Variants in DPYD observed in about 807,000 individuals in gnomAD.
The protein encoded by DPYD is dihydropyrimidine dehydrogenase [NADP(+)].
A neutral mutation model predicts 116.2 loss-of-function variants in DPYD; 109 were observed. That is an observed-to-expected ratio of 0.94 (90% CI 0.80 to 1.10). The LOEUF (loss-of-function observed/expected upper bound fraction) is 1.10, where lower values mean the gene tolerates loss of function less well. Ranked by LOEUF, DPYD falls within the 50% of genes least tolerant of loss-of-function variation. The probability of loss-of-function intolerance (pLI) is 0.00; values close to 1 mark genes in which losing one functional copy is unlikely to be tolerated. For missense variants in DPYD, 1,302 were observed against 1,254.5 expected (o/e 1.04, Z -0.57); for synonymous variants, 440 against 432.0 (o/e 1.02, Z -0.23).
chr1:97,727,642 T>G (rs1278130662), intron 4 of DPYD, among the ~76,000 whole-genome samples: 1 of 151,750 alleles, frequency 6.6e-6, no homozygotes, highest in Non-Finnish European at 1.5e-5. Flanking sequence ...TGAACCAATA[T>G]TAAGCAATGA....
chr1:97,363,546 G>A (rs1179511977), intron 16 of DPYD, among the ~76,000 whole-genome samples: 1 of 152,056 alleles, frequency 6.6e-6, no homozygotes, highest in African/African-American at 2.4e-5. Context: ...AAACTTGGAA[G>A]CAGCCCAAAG....
chr1:97,079,928 A>AATT (rs1242749194), intron 22 of DPYD, among the ~76,000 whole-genome samples: 3 of 152,018 alleles, frequency 2.0e-5, no homozygotes, highest in Non-Finnish European at 2.9e-5. Flanking sequence ...AATGTAGAAT[A>AATT]AGCAATTAAG....
intron 2 of DPYD, among the ~76,000 whole-genome samples, chr1:97,867,701 T>C (rs1671455340): frequency 1.3e-5 from 2 of 151,760 alleles, no homozygotes; most frequent in Non-Finnish European, 2.9e-5. Flanking sequence ...CTGTAATCAT[T>C]AGGTGTAGAA....
chr1:97,389,789 A>G (rs1348282631), intron 14 of DPYD, among the ~76,000 whole-genome samples: 1 of 151,958 alleles, frequency 6.6e-6, no homozygotes, highest in Admixed American at 6.6e-5. Context: ...ATAATTTACT[A>G]ATCAAATTTT....
rs191957622 is a variant in DPYD at position 97,437,181 on chromosome 1, C to T, written c.1905+12878G>A. On this transcript the variant is annotated intron_variant, in intron 14 of 22. Coordinates refer to ENST00000370192, the MANE Select transcript of DPYD (RefSeq NM_000110.4). ...CCATGTGACTCTTTATAACTCCTCT[C>T]TCCCACTCATAACCCCTCTGTCCAT... 1.7e-3 allele frequency among the ~76,000 whole-genome samples: 257 copies of T among 151,890 alleles called. 3 individuals carry two copies. The highest frequency in any genetic ancestry group is 0.014 in the Admixed American group (212 of 15,240).
At chr1:97,386,376 C>T (rs1201557170) in intron 14 of DPYD, among the ~76,000 whole-genome samples, 1 of 151,858 alleles carries the variant, frequency 6.6e-6, no homozygotes, top group African/African-American at 2.4e-5. Flanking sequence ...CTTTCCAATC[C>T]CAAAGCTTAC....
At chr1:97,659,287 T>C (rs1028210031) in intron 8 of DPYD, among the ~76,000 whole-genome samples, 14 of 152,196 alleles carry the variant, frequency 9.2e-5, no homozygotes, top group Non-Finnish European at 1.9e-4. Context: ...GCTGGTAGAA[T>C]GAATATATAA....
intron 15 of DPYD, among the ~76,000 whole-genome samples, chr1:97,375,852 T>C (rs1475012785): frequency 2.0e-5 from 3 of 152,240 alleles, no homozygotes; most frequent in African/African-American, 4.8e-5. Context: ...TAGACTTCTC[T>C]ATTTAACTGA....
chr1:97,351,748 G>T (rs923392381), intron 16 of DPYD, among the ~76,000 whole-genome samples: 1 of 152,070 alleles, frequency 6.6e-6, no homozygotes, highest in African/African-American at 2.4e-5. Context: ...AAAATCAAAC[G>T]TGTTTCAGGA....
At chr1:97,466,700 T>C (rs12136186) in intron 13 of DPYD, among the ~76,000 whole-genome samples, 29,093 of 152,102 alleles carry the variant, frequency 0.19, 3,262 homozygotes, top group Middle Eastern at 0.33. Context: ...ACCACGCTAT[T>C]TTGGGGAAAC....
intron 2 of DPYD, among the ~76,000 whole-genome samples, chr1:97,870,096 A>G (rs1671582804): frequency 1.3e-5 from 2 of 151,902 alleles, no homozygotes; most frequent in African/African-American, 2.4e-5. Context: ...AATTTTAACT[A>G]CTGATTCAAT....
At chr1:97,148,978 A>G (rs1172220474) in intron 20 of DPYD, among the ~76,000 whole-genome samples, 2 of 152,210 alleles carry the variant, frequency 1.3e-5, no homozygotes, top group Non-Finnish European at 2.9e-5. Context: ...CTTGATAGAT[A>G]TTAATGAAAT....
intron 19 of DPYD, among the ~76,000 whole-genome samples, chr1:97,227,475 T>C (rs1410343989): frequency 6.6e-6 from 1 of 151,936 alleles, no homozygotes; most frequent in African/African-American, 2.4e-5. Flanking sequence ...GCTGATGTGA[T>C]TACTATGCAT....
chr1:97,309,755 T>C (rs751574678), intron 16 of DPYD, among the ~76,000 whole-genome samples: 4 of 151,800 alleles, frequency 2.6e-5, no homozygotes, highest in Non-Finnish European at 4.4e-5. Flanking sequence ...GGAATGCAGA[T>C]TACTTGCTGC....
intron 3 of DPYD, among the ~76,000 whole-genome samples, chr1:97,752,984 AT>A (rs1665016118): frequency 6.6e-6 from 1 of 152,206 alleles, no homozygotes; most frequent in Non-Finnish European, 1.5e-5. Context: ...GGTAAAAATT[AT>A]TTTTTAATAA....
chr1:97,906,374 A>T (rs1268758711), intron 1 of DPYD, among the ~76,000 whole-genome samples: 1 of 152,074 alleles, frequency 6.6e-6, no homozygotes, highest in Admixed American at 6.6e-5. Flanking sequence ...CCAAGTACTT[A>T]TGACTTTCTG....
intron 18 of DPYD, among the ~76,000 whole-genome samples, chr1:97,257,974 A>G (rs1663616092): frequency 1.3e-5 from 2 of 152,164 alleles, no homozygotes; most frequent in African/African-American, 4.8e-5. Context: ...TGAAGATGAA[A>G]TATGAACTAT....
chr1:97,598,817 T>C (rs1415705771), intron 8 of DPYD, among the ~76,000 whole-genome samples: 2 of 152,136 alleles, frequency 1.3e-5, no homozygotes, highest in East Asian at 3.8e-4. Flanking sequence ...TATGAGGAAA[T>C]TGAGGCATAT....
intron 10 of DPYD, among the ~76,000 whole-genome samples, chr1:97,589,252 T>C (rs1654349133): frequency 6.6e-6 from 1 of 152,210 alleles, no homozygotes. Flanking sequence ...ATAATATACA[T>C]GGTCTCAAAC....
Sources: allele counts gnomAD v4.1 joint callset (sites outside exome capture counted in the v4.1 genomes callset), GRCh38; gene constraint gnomAD v4.1.1; transcripts MANE v1.5; gene names NCBI Gene and HGNC (gene_info 2026-07-23, HGNC 2026-07-21).